The following GRINA variants were observed in gnomAD, a reference collection of about 807,000 sequenced individuals.
GRINA encodes protein lifeguard 1.
A neutral mutation model predicts 42.5 loss-of-function variants in GRINA; 26 were observed. The ratio of observed to expected loss-of-function variants is 0.61; its 90% CI spans 0.45 to 0.85. The LOEUF (loss-of-function observed/expected upper bound fraction) is 0.85, where lower values mean the gene tolerates loss of function less well. Ranked by LOEUF, GRINA falls within the 40% of genes least tolerant of loss-of-function variation. The pLI, the probability that GRINA is intolerant of heterozygous loss-of-function variation, is 0.00. For missense variants in GRINA, 475 were observed against 481.5 expected (o/e 0.99, Z 0.13); for synonymous variants, 256 against 204.2 (o/e 1.25, Z -2.17).
rs1281428202 is a variant in GRINA at position 143,991,468 on chromosome 8, G to T, written c.245G>T (p.Gly82Val). 2.0e-6 allele frequency: 3 copies of T among 1,503,402 alleles called. No individual in the cohort carries two copies. Among genetic ancestry groups the T allele is most frequent in the Non-Finnish European group, 8.8e-7 (1 of 1,130,720 alleles). 93.1% of individuals were successfully genotyped at this position (1,503,402 alleles called of 1,614,324 possible). A position where few individuals can be genotyped will look rare whatever the true frequency, so the allele number is the denominator to read the frequency against. ...GPYPQGGYPQ[G>V]PYPQEGYPQG... ...TACCCCCAAGGGGGCTACCCACAGGGCCCCTACCCACAAGAGGGCTACCCA... is the reference window on the plus strand; with the variant it reads ...TACCCCCAAGGGGGCTACCCACAGGTCCCCTACCCACAAGAGGGCTACCCA... Residue 82 changes from glycine (G) to valine (V), a missense_variant, in exon 2 of 7, where the codon GGC becomes GTC. Physicochemically the swap from Gly to Val is moderately radical, Grantham distance 109. Around this residue, in one of 2 missense-constraint regions of GRINA, gnomAD observed 321 missense variants for 267.2 expected, o/e 1.20. Transcript: ENST00000395068.
intron 4 of GRINA, 34 bp from the exon 5 acceptor site, chr8:143,992,211 A>G (rs1328982547): frequency 1.2e-6 from 2 of 1,602,266 alleles, no homozygotes; most frequent in Non-Finnish European, 1.7e-6. Flanking sequence ...ATGGGGGCAC[A>G]CACCCAAGGT....
In GRINA at chr8:143,993,298, G is replaced by T; in HGVS notation, c.*457G>T. ...GCCCTCTGGGGACATGCGGAGTGGG[G>T]GTCTTATCCCTGTGCTGAGCCCTGA... On this transcript the variant is annotated 3_prime_UTR_variant, in exon 7 of 7. Coordinates refer to ENST00000395068, the MANE Select transcript of GRINA (RefSeq NM_001009184.2). 5.0e-6 allele frequency: 1 copy of T among 199,252 alleles called. No homozygotes were observed. The highest frequency in any genetic ancestry group is 9.1e-5 in the South Asian group (1 of 11,022). The allele number at this position is 199,252 out of a possible 1,614,324, so 12.3% of individuals were successfully genotyped here. A position where few individuals can be genotyped will look rare whatever the true frequency, so the allele number is the denominator to read the frequency against.
rs1360325824 is a variant in GRINA, at chr8:143,990,711, C to T, written c.-24-489C>T. On this transcript the variant is annotated intron_variant, in intron 1 of 6. Transcript: ENST00000395068. This position sits in a 1 kb window ranked among gnomAD's most constrained non-coding sequence, Gnocchi z 5.6. ...CTCGCGGGGGTGGGGGGGCTCGGGC[C>T]TTTGTTGGTCACAGATGGCCCGGGG... 2.0e-5 allele frequency: 3 copies of T among 152,174 alleles called. No homozygotes were observed. Among genetic ancestry groups the T allele is most frequent in the African/African-American group, 4.8e-5 (2 of 41,426 alleles). The allele number at this position is 152,174 out of a possible 1,614,324, so 9.4% of individuals were successfully genotyped here.
In GRINA at chr8:143,992,375, T is replaced by C; in HGVS notation, c.822+2T>C. 1 of 1,606,060 alleles carries C rather than the reference T, an allele frequency of 6.2e-7. No individual in the cohort carries two copies. Among genetic ancestry groups the C allele is most frequent in the Non-Finnish European group, 8.5e-7 (1 of 1,174,398 alleles). ...ACCGTCGTCATCTTCTCCATGCAGG[T>C]GAGGGGCCTCCCGTGGCTGGGCTGT... is the stretch of plus-strand genomic sequence containing the variant. On this transcript the variant is annotated splice_donor_variant, in intron 5 of 6. Transcript: ENST00000395068. LOFTEE classifies it high-confidence loss of function.
rs958300501 is a variant in GRINA at position 143,992,040 on chromosome 8, G to A, written c.655G>A (p.Asp219Asn). ...ISLIVLSCCG[D>N]FRRKHPWNLV... Reference sequence around the variant, plus strand: ...TCTCATCGTCCTCAGCTGTTGTGGGGACTTCCGGCGAAAGCACCCCTGGAA... The same window carrying A: ...TCTCATCGTCCTCAGCTGTTGTGGGAACTTCCGGCGAAAGCACCCCTGGAA... The change falls in exon 4 of 7, where the codon GAC (aspartate) becomes AAC (asparagine). Residue 219 changes from aspartate to asparagine, a missense_variant. Asp to Asn is a conservative substitution (Grantham distance 23). Transcript: ENST00000395068. 6.2e-7 allele frequency: 1 copy of A among 1,613,954 alleles called. No homozygotes were observed. The highest frequency in any genetic ancestry group is 8.5e-7 in the Non-Finnish European group (1 of 1,179,950).
Position 143,992,265 on chromosome 8 carries a change from G to A in GRINA, c.714G>A (p.Leu238=), listed in dbSNP as rs538211784. 3 of 1,600,704 alleles carry A rather than the reference G, an allele frequency of 1.9e-6. No individual in the cohort carries two copies. Among genetic ancestry groups the A allele is most frequent in the Non-Finnish European group, 8.5e-7 (1 of 1,172,166 alleles). Residue 238 remains leucine, a synonymous_variant, in exon 5 of 7, where the codon CTG becomes CTA. Transcript: ENST00000395068. ...TGCAGTCGGTCCTGACCGCCAGCCT[G>A]TCGTACATGGTGGGGATGATCGCCA... ...LVALSVLTAS[L]SYMVGMIASF...
intron 4 of GRINA, 79 bp from the exon 5 acceptor site, chr8:143,992,166 C>CTTG (rs1834110025): frequency 1.6e-5 from 26 of 1,602,362 alleles, no homozygotes; most frequent in Non-Finnish European, 2.1e-5. Context: ...CGTGGTTCTC[C>CTTG]TTGTGCTCAT....
intron 2 of GRINA, 34 bp downstream of exon 2, chr8:143,991,636 G>C: frequency 6.3e-7 from 1 of 1,594,424 alleles, no homozygotes; most frequent in South Asian, 1.1e-5. Flanking sequence ...GGGGTGGCCG[G>C]GAGGGCAGGG....
chr8:143,992,943 G>A lies in GRINA; in HGVS notation c.*102G>A, dbSNP rs1834125993. On this transcript the variant is annotated 3_prime_UTR_variant, in exon 7 of 7. Coordinates refer to ENST00000395068, the MANE Select transcript of GRINA (RefSeq NM_001009184.2). ...GTACTTCCCCTCTCTCTTGTCCCCA[G>A]GCACAGCCTAGGGAAAAGGATGCCT... 2.0e-6 allele frequency: 2 copies of A among 992,624 alleles called. No individual in the cohort carries two copies. The highest frequency in any genetic ancestry group is 3.1e-5 in the South Asian group (2 of 65,224). 61.5% of individuals were successfully genotyped at this position (992,624 alleles called of 1,614,324 possible).
At position 143,992,503 on chromosome 8, in the gene GRINA, G is replaced by C. The variant is rs1554750718; in HGVS notation, c.861G>C (p.Leu287=). 6.2e-7 allele frequency: 1 copy of C among 1,614,146 alleles called. No individual in the cohort carries two copies. The highest frequency in any genetic ancestry group is 8.5e-7 in the Non-Finnish European group (1 of 1,180,016). Residue 287 remains leucine, a synonymous_variant, in exon 6 of 7, where the codon CTG becomes CTC. Coordinates refer to ENST00000395068, the MANE Select transcript of GRINA (RefSeq NM_001009184.2). ...TCACCTCATGCATGGGCGTGCTCCT[G>C]GTGAGCATGGTGGTGCTCTTCATCT... ...YDFTSCMGVL[L]VSMVVLFIFA... is the part of the protein sequence containing the mutation.
chr8:143,990,084 C>T lies in GRINA; in HGVS notation c.-140C>T, dbSNP rs1554750192. The T allele has an allele frequency of 6.6e-6, 1 of 151,416 alleles. No individual in the cohort carries two copies. Among genetic ancestry groups the T allele is most frequent in the Non-Finnish European group, 1.5e-5 (1 of 67,734 alleles). The allele number at this position is 151,416 out of a possible 1,614,324, so 9.4% of individuals were successfully genotyped here. On this transcript the variant is annotated 5_prime_UTR_variant, in exon 1 of 7. Transcript: ENST00000395068. The surrounding 1 kb of genome is among the most constrained non-coding windows in gnomAD (Gnocchi z 5.6). ...AGGCCCCGCTGCGTCTTCCGAGCCG[C>T]AGGCGCAGGCCCAGCTGAGCGGCCG...
chr8:143,992,756 A>G lies in GRINA; in HGVS notation c.1031A>G (p.Tyr344Cys), dbSNP rs376054529. The change falls in exon 7 of 7, where the codon TAT becomes TGT. Residue 344 changes from tyrosine to cysteine, a missense_variant. Transcript: ENST00000395068. ...NKQLSLSPEEYVFAALNLYTD... is the reference protein window; with the variant it reads ...NKQLSLSPEECVFAALNLYTD... Reference sequence around the variant, plus strand: ...CAGCTGTCCCTGAGCCCAGAAGAGTATGTGTTTGCTGCGCTGAACCTGTAC... The same window carrying G: ...CAGCTGTCCCTGAGCCCAGAAGAGTGTGTGTTTGCTGCGCTGAACCTGTAC... The G allele has an allele frequency of 1.2e-6, 2 of 1,613,834 alleles. No homozygotes were observed. The highest frequency in any genetic ancestry group is 1.3e-5 in the African/African-American group (1 of 74,926).
rs372819102 is a variant in GRINA, at chr8:143,991,023, C to G, written c.-24-177C>G. On this transcript the variant is annotated intron_variant, in intron 1 of 6. Coordinates refer to ENST00000395068, the MANE Select transcript of GRINA (RefSeq NM_001009184.2). ...GGAAGGCCCCACGGCGCCGCCCGTC[C>G]GGTCCTCACGCGCTTCTCCGGGCCC... 194 of 434,584 alleles carry G rather than the reference C, an allele frequency of 4.5e-4. 1 individual carries two copies. In the South Asian group the frequency reaches 7.9e-3, roughly 18 times the overall value. 26.9% of individuals were successfully genotyped at this position (434,584 alleles called of 1,614,324 possible).
At position 143,992,216 on chromosome 8, in the gene GRINA, C is replaced by T. The variant is rs567639034; in HGVS notation, c.694-29C>T. The stretch of plus-strand genomic sequence containing the variant: ...CAGGGGTGGCATGGGGGCACACACC[C>T]AAGGTCAGCCTGTGTCTCCCAACTG... On this transcript the variant is annotated intron_variant, in intron 4 of 6. Coordinates refer to ENST00000395068, the MANE Select transcript of GRINA (RefSeq NM_001009184.2). 26 of 1,603,310 alleles carry T rather than the reference C, an allele frequency of 1.6e-5. No individual in the cohort carries two copies. In the East Asian group the frequency reaches 4.7e-4, roughly 29 times the overall value.
At position 143,991,551 on chromosome 8, in the gene GRINA, C is replaced by A. The variant is rs782708683; in HGVS notation, c.328C>A (p.Pro110Thr). The A allele has an allele frequency of 3.3e-5, 52 of 1,566,422 alleles. No individual in the cohort carries two copies. The highest frequency in any genetic ancestry group is 1.6e-4 in the Admixed American group (9 of 55,594). ...GGGGCCATATCCCCAGAGCCCCTTC[C>A]CCCCCAACCCCTATGGACAGCCACA... ...PQGPYPQSPFPPNPYGQPQVF... is the reference protein window; with the variant it reads ...PQGPYPQSPFTPNPYGQPQVF... The change falls in exon 2 of 7, where the codon CCC (proline) becomes ACC (threonine). Residue 110 changes from proline (P) to threonine (T), a missense_variant. This residue lies in a region of GRINA where 321 missense variants were observed against 267.2 expected (regional missense o/e 1.20). Transcript: ENST00000395068.
chr8:143,992,773 A>G lies in GRINA; in HGVS notation c.1048A>G (p.Asn350Asp). Residue 350 changes from asparagine to aspartate, a missense_variant, in exon 7 of 7, where the codon AAC becomes GAC. Asn to Asp is a conservative substitution (Grantham distance 23). Coordinates refer to ENST00000395068, the MANE Select transcript of GRINA (RefSeq NM_001009184.2). Reference sequence around the variant, plus strand: ...AGAAGAGTATGTGTTTGCTGCGCTGAACCTGTACACAGACATCATCAACAT... The same window carrying G: ...AGAAGAGTATGTGTTTGCTGCGCTGGACCTGTACACAGACATCATCAACAT... ...SPEEYVFAAL[N>D]LYTDIINIFL... is the part of the protein sequence containing the mutation. 6.2e-7 allele frequency: 1 copy of G among 1,613,918 alleles called. No individual in the cohort carries two copies. The highest frequency in any genetic ancestry group is 8.5e-7 in the Non-Finnish European group (1 of 1,179,892).
Position 143,993,276 on chromosome 8 carries a change from C to A in GRINA, c.*435C>A. The A allele has an allele frequency of 4.6e-6, 1 of 215,698 alleles. No individual in the cohort carries two copies. The highest frequency in any genetic ancestry group is 7.3e-5 in the South Asian group (1 of 13,686). 13.4% of individuals were successfully genotyped at this position (215,698 alleles called of 1,614,324 possible). On this transcript the variant is annotated 3_prime_UTR_variant, in exon 7 of 7. Transcript: ENST00000395068. ...CCCCCCACCCCCCTGGAGTGCTGCC[C>A]TCTGGGGACATGCGGAGTGGGGGTC...
chr8:143,992,429 G>A, intron 5 of GRINA, 36 bp from the exon 6 acceptor site: 1 of 1,613,626 alleles, frequency 6.2e-7, no homozygotes, highest in South Asian at 1.1e-5. Flanking sequence ...GCTTTCCCAG[G>A]CCCAGCCCCA....
At position 143,990,972 on chromosome 8, in the gene GRINA, C is replaced by T. The variant is rs1019532623; in HGVS notation, c.-24-228C>T. On this transcript the variant is annotated intron_variant, in intron 1 of 6. Coordinates refer to ENST00000395068, the MANE Select transcript of GRINA (RefSeq NM_001009184.2). This position sits in a 1 kb window ranked among gnomAD's most constrained non-coding sequence, Gnocchi z 5.6. ...TCGTCCCCTCGCCCGGCCCCTCCCC[C>T]ACCCTAAAGGCGGCCTAGAGCCCTG... 1 of 297,990 alleles carries T rather than the reference C, an allele frequency of 3.4e-6. No individual in the cohort carries two copies. The highest frequency in any genetic ancestry group is 6.2e-6 in the Non-Finnish European group (1 of 160,732). The allele number at this position is 297,990 out of a possible 1,614,324, so 18.5% of individuals were successfully genotyped here. A position where few individuals can be genotyped will look rare whatever the true frequency, so the allele number is the denominator to read the frequency against.
Sources: gnomAD v4.1 joint callset for allele counts on GRCh38, gnomAD v4.1.1 for gene constraint, gnomAD v4.1.1 regional missense constraint, Gnocchi (gnomAD v3.1) non-coding constraint, MANE v1.5 for transcripts, NCBI Gene and HGNC (gene_info 2026-07-23, HGNC 2026-07-21) for gene names.